Variants in ZFAND3 observed in about 807,000 individuals in gnomAD.
ZFAND3 encodes zinc finger AN1-type containing 3.
Under a neutral mutation model 29.6 loss-of-function variants are expected in ZFAND3, and 10 were observed. That is an observed-to-expected ratio of 0.34 (90% CI 0.21 to 0.57). The LOEUF is 0.57. Among genes scored for constraint, ZFAND3 ranks in the 20% least tolerant of loss-of-function variants. The pLI, the probability that ZFAND3 is intolerant of heterozygous loss-of-function variation, is 0.86. For missense variants in ZFAND3, 230 were observed against 304.5 expected, an observed-to-expected ratio of 0.76 and a Z score of 1.82; for synonymous variants, 128 against 112.6, an observed-to-expected ratio of 1.14 and a Z score of -0.87.
intron 1 of ZFAND3, among the ~76,000 whole-genome samples, chr6:37,851,516 A>T (rs995158192): frequency 9.2e-4 from 118 of 128,886 alleles, no homozygotes; most frequent in African/African-American, 3.6e-3. Context: ...CCAGTCTCCC[A>T]CCCTTTCCCA....
chr6:37,852,884 A>G (rs1304256232), intron 1 of ZFAND3, among the ~76,000 whole-genome samples: 1 of 151,638 alleles, frequency 6.6e-6, no homozygotes, highest in Non-Finnish European at 1.5e-5. Context: ...CCCAGCCTTT[A>G]TGTATATTTC....
chr6:38,055,190 A>AT (rs1453200528), intron 2 of ZFAND3, among the ~76,000 whole-genome samples: 1 of 152,146 alleles, frequency 6.6e-6, no homozygotes, highest in Non-Finnish European at 1.5e-5. Flanking sequence ...AACCTTTTCC[A>AT]TTTTTTAAAA....
chr6:38,000,356 C>T (rs755064361), intron 2 of ZFAND3, among the ~76,000 whole-genome samples: 4 of 152,182 alleles, frequency 2.6e-5, no homozygotes, highest in Non-Finnish European at 5.9e-5. Context: ...TAGATCCTGA[C>T]TGTATTTATT....
chr6:38,133,186 A>C (rs926108114), intron 5 of ZFAND3, among the ~76,000 whole-genome samples: 1 of 152,210 alleles, frequency 6.6e-6, no homozygotes, highest in Non-Finnish European at 1.5e-5. Context: ...TGTTTATGAT[A>C]TATGTCTCAG....
intron 3 of ZFAND3, among the ~76,000 whole-genome samples, chr6:38,078,988 T>C (rs1237423950): frequency 6.6e-6 from 1 of 152,222 alleles, no homozygotes; most frequent in Non-Finnish European, 1.5e-5. Context: ...ACCCATGTTA[T>C]ATATTTTGTT....
chr6:37,993,511 G>A (rs1431909322), intron 2 of ZFAND3, among the ~76,000 whole-genome samples: 1 of 152,038 alleles, frequency 6.6e-6, no homozygotes, highest in Non-Finnish European at 1.5e-5. Context: ...ATTTTCAGTA[G>A]AGATGGGGTT....
At chr6:37,964,519 C>T (rs1247364508) in intron 2 of ZFAND3, among the ~76,000 whole-genome samples, 2 of 152,174 alleles carry the variant, frequency 1.3e-5, no homozygotes, top group Non-Finnish European at 2.9e-5. Flanking sequence ...TGCACAGCCC[C>T]TTAGAGACAG....
chr6:37,836,611 C>G (rs1011686510), intron 1 of ZFAND3, among the ~76,000 whole-genome samples: 1 of 152,102 alleles, frequency 6.6e-6, no homozygotes, highest in Admixed American at 6.5e-5. Flanking sequence ...TATTCTGGCC[C>G]AGCATGGTAC....
intron 2 of ZFAND3, among the ~76,000 whole-genome samples, chr6:37,964,221 C>T (rs1446454741): frequency 6.6e-6 from 1 of 152,170 alleles, no homozygotes; most frequent in African/African-American, 2.4e-5. Context: ...CTTTGATGTC[C>T]TGCTCTGATG....
rs1002164511 is a variant in ZFAND3 at position 37,844,210 on chromosome 6, C to T, written c.71+24194C>T. ...AAGTGTTGGGATTATAGGCGTGAGC[C>T]ACTGCACCTGGCCAAGATTGATTGA... is the stretch of plus-strand genomic sequence containing the variant. On this transcript the variant is annotated intron_variant, in intron 1 of 5. Coordinates refer to ENST00000287218, the MANE Select transcript of ZFAND3 (RefSeq NM_021943.3). Among the ~76,000 whole-genome samples the T allele has an allele frequency of 1.1e-4, 17 of 152,124 alleles. 1 individual carries two copies. The highest frequency in any genetic ancestry group is 4.1e-4 in the African/African-American group (17 of 41,414).
intron 2 of ZFAND3, among the ~76,000 whole-genome samples, chr6:37,962,970 A>G (rs955362116): frequency 2.0e-5 from 3 of 152,176 alleles, no homozygotes; most frequent in Non-Finnish European, 2.9e-5. Flanking sequence ...TTTAAGATCT[A>G]CATGTAACGC....
chr6:38,000,985 T>C (rs981572291), intron 2 of ZFAND3, among the ~76,000 whole-genome samples: 1 of 152,186 alleles, frequency 6.6e-6, no homozygotes, highest in Admixed American at 6.6e-5. Context: ...GAGAAAATTA[T>C]AGGCACTGGA....
intron 1 of ZFAND3, among the ~76,000 whole-genome samples, chr6:37,869,073 A>G (rs1310427534): frequency 1.3e-5 from 2 of 152,174 alleles, no homozygotes; most frequent in African/African-American, 4.8e-5. Context: ...GAATATGTCC[A>G]TTTTGCCTAA....
chr6:38,070,079 A>G (rs962397358), intron 3 of ZFAND3, among the ~76,000 whole-genome samples: 1 of 152,198 alleles, frequency 6.6e-6, no homozygotes, highest in African/African-American at 2.4e-5. Flanking sequence ...ACCGCTGTTT[A>G]TTCATTATGG....
At position 37,961,060 on chromosome 6, in the gene ZFAND3, C is replaced by T. The variant is rs141325099; in HGVS notation, c.112+31061C>T. 2.0e-3 allele frequency among the ~76,000 whole-genome samples: 305 copies of T among 152,226 alleles called. 1 individual carries two copies. Among genetic ancestry groups the T allele is most frequent in the African/African-American group, 6.2e-3 (256 of 41,554 alleles). On this transcript the variant is annotated intron_variant, in intron 2 of 5. Transcript: ENST00000287218. ...ACTACATTCAGCCTGGGTGATAGAG[C>T]GAGACCCTGTTTCAAAAAATAGTAA...
At position 38,119,769 on chromosome 6, in the gene ZFAND3, C is replaced by T. The variant is rs543073115; in HGVS notation, c.529+3030C>T. On this transcript the variant is annotated intron_variant, in intron 5 of 5. Transcript: ENST00000287218. ...AAATTCCATTAAATTACAGTCTCAT[C>T]GAGAGCACACACAGACACATTCAGC... Among the ~76,000 whole-genome samples the T allele has an allele frequency of 2.6e-5, 4 of 152,298 alleles. No individual in the cohort carries two copies. In the South Asian group the frequency reaches 8.3e-4, roughly 32 times the overall value.
chr6:38,014,256 AAC>A (rs1323495121), intron 2 of ZFAND3, among the ~76,000 whole-genome samples: 51 of 152,178 alleles, frequency 3.4e-4, no homozygotes, highest in Admixed American at 6.5e-4. Context: ...AGAATTTGTT[AAC>A]ACAGATAAAT....
chr6:37,985,692 C>T (rs2645118), intron 2 of ZFAND3, among the ~76,000 whole-genome samples: 132,358 of 152,132 alleles, frequency 0.87, 58,403 homozygotes, highest in East Asian at 0.96. Flanking sequence ...AAAAAAATAA[C>T]AATAAGTAAA....
chr6:37,821,491 A>G (rs1763666040), intron 1 of ZFAND3, among the ~76,000 whole-genome samples: 1 of 152,194 alleles, frequency 6.6e-6, no homozygotes, highest in Non-Finnish European at 1.5e-5. Flanking sequence ...TTATCTCATT[A>G]TTAGCTGGGG....
Sources: gnomAD v4.1 joint callset for allele counts (sites outside exome capture counted in the v4.1 genomes callset) on GRCh38, gnomAD v4.1.1 for gene constraint, MANE v1.5 for transcripts, NCBI Gene and HGNC (gene_info 2026-07-23, HGNC 2026-07-21) for gene names.